RBPJ: variants seen among roughly 807,000 people sequenced by gnomAD.
RBPJ encodes the protein recombining binding protein suppressor of hairless.
Under a neutral mutation model 67.8 loss-of-function variants are expected in RBPJ, and 9 were observed. The observed-to-expected ratio is 0.13, with a 90% CI of 0.08 to 0.23. RBPJ has a LOEUF of 0.23. RBPJ is among the 10% of genes least tolerant of loss of function. The probability of loss-of-function intolerance (pLI) is 1.00; values close to 1 mark genes in which losing one functional copy is unlikely to be tolerated. For synonymous variants in RBPJ, 198 were observed against 203.3 expected (o/e 0.97, Z 0.22); for missense variants, 305 against 595.6 (o/e 0.51, Z 5.08).
At chr4:26,331,971 T>C (rs1024836185) in intron 1 of RBPJ, among the ~76,000 whole-genome samples, 1 of 152,210 alleles carries the variant, frequency 6.6e-6, no homozygotes, top group African/African-American at 2.4e-5. Flanking sequence ...ATGATGATGA[T>C]GTGTGTAGTG....
chr4:26,149,370 G>T, the RBPJ span, among the ~76,000 whole-genome samples: 1 of 152,154 alleles, frequency 6.6e-6, no homozygotes, highest in African/African-American at 2.4e-5. Context: ...TGGTAGAAGG[G>T]CTGGATGGAC....
chr4:26,355,845 T>C (rs902480655), intron 1 of RBPJ, among the ~76,000 whole-genome samples: 5 of 152,136 alleles, frequency 3.3e-5, no homozygotes, highest in Admixed American at 1.3e-4. Flanking sequence ...CCAAGGAGCA[T>C]TGAGGTACAC....
chr4:26,362,375 C>T, intron 1 of RBPJ: 1 of 867,272 alleles, frequency 1.2e-6, no homozygotes, highest in Non-Finnish European at 1.6e-6. Flanking sequence ...GTCATGGCAG[C>T]AGTTAACACA....
At chr4:26,124,415 CATATATAT>C in the RBPJ span, among the ~76,000 whole-genome samples, 1,699 of 62,246 alleles carry the variant, frequency 0.027, 51 homozygotes, top group East Asian at 0.05. Context: ...AGTATTCCAT[CATATATAT>C]ATATATATAT....
intron 1 of RBPJ, among the ~76,000 whole-genome samples, chr4:26,237,644 C>A (rs932804636): frequency 1.3e-5 from 2 of 152,142 alleles, no homozygotes; most frequent in East Asian, 1.9e-4. Flanking sequence ...GGGGTTGAAT[C>A]CAGCATTGCC....
intron 1 of RBPJ, among the ~76,000 whole-genome samples, chr4:26,313,671 T>TA (rs752022285): frequency 1.6e-3 from 226 of 137,632 alleles, no homozygotes; most frequent in African/African-American, 3.8e-3. Context: ...CTCCGTCTCT[T>TA]AAAAAAAAAA....
chr4:26,306,839 T>C (rs1424532926), intron 1 of RBPJ, among the ~76,000 whole-genome samples: 1 of 152,114 alleles, frequency 6.6e-6, no homozygotes, highest in Non-Finnish European at 1.5e-5. Flanking sequence ...TTTCAGCCAC[T>C]CACTGTTACT....
At chr4:26,346,954 T>C (rs1469549550) in intron 1 of RBPJ, among the ~76,000 whole-genome samples, 2 of 151,540 alleles carry the variant, frequency 1.3e-5, no homozygotes. Context: ...ATTGCGCCAC[T>C]GCACTCCAGT....
intron 1 of RBPJ, among the ~76,000 whole-genome samples, chr4:26,268,943 T>C (rs549184538): frequency 1.3e-5 from 2 of 152,376 alleles, no homozygotes; most frequent in East Asian, 3.9e-4. Flanking sequence ...GAATACTCTA[T>C]GATTTCATAA....
chr4:26,299,730 G>A (rs1247858922), intron 1 of RBPJ, among the ~76,000 whole-genome samples: 2 of 138,758 alleles, frequency 1.4e-5, no homozygotes, highest in African/African-American at 5.5e-5. Flanking sequence ...CTAGGCTGGA[G>A]TGAAATGGCG....
chr4:26,320,839 A>C (rs1237313502), upstream of RBPJ: 1 of 1,565,470 alleles, frequency 6.4e-7, no homozygotes, highest in Non-Finnish European at 8.7e-7. Flanking sequence ...GAAGGCAGCG[A>C]GCAGGATCCC....
chr4:26,151,178 G>C, the RBPJ span, among the ~76,000 whole-genome samples: 1 of 152,184 alleles, frequency 6.6e-6, no homozygotes, highest in African/African-American at 2.4e-5. Context: ...CTTGCCCGAA[G>C]ACTCAGTGCA....
At chr4:26,282,136 CTTT>C (rs869155604) in intron 1 of RBPJ, among the ~76,000 whole-genome samples, 3 of 51,852 alleles carry the variant, frequency 5.8e-5, no homozygotes, top group Admixed American at 2.9e-4. Flanking sequence ...CTCTCTCTCT[CTTT>C]TTTTTTTTTT....
chr4:26,342,858 A>G (rs1455518514), intron 1 of RBPJ, among the ~76,000 whole-genome samples: 1 of 152,232 alleles, frequency 6.6e-6, no homozygotes, highest in East Asian at 1.9e-4. Flanking sequence ...TGGTTCTAGC[A>G]TTATATAAAT....
upstream of RBPJ, among the ~76,000 whole-genome samples, chr4:26,317,125 C>G (rs948425053): frequency 6.6e-6 from 1 of 151,120 alleles, no homozygotes; most frequent in African/African-American, 2.4e-5. Flanking sequence ...TGGAAGGAGG[C>G]AGATAGTAAA....
chr4:26,385,273 G>A (rs1015786042), intron 1 of RBPJ, among the ~76,000 whole-genome samples: 2 of 151,564 alleles, frequency 1.3e-5, no homozygotes, highest in African/African-American at 2.4e-5. Context: ...TGCCTGCCTC[G>A]GCCTCCCAAA....
the RBPJ span, among the ~76,000 whole-genome samples, chr4:26,108,919 C>G: frequency 6.6e-6 from 1 of 152,090 alleles, no homozygotes; most frequent in African/African-American, 2.4e-5. Context: ...TCCTGGGGCT[C>G]TTCTGGGGAT....
chr4:26,148,224 G>A, the RBPJ span, among the ~76,000 whole-genome samples: 16 of 151,108 alleles, frequency 1.1e-4, no homozygotes, highest in Admixed American at 1.1e-3. Context: ...TACCAAGAGG[G>A]AGAGACTGTG....
rs543480667 is a variant in RBPJ, at chr4:26,169,802, C to A, written c.-167+6188C>A. Among the ~76,000 whole-genome samples the A allele has an allele frequency of 4.6e-5, 7 of 152,354 alleles. No homozygotes were observed. In the South Asian group the frequency reaches 1.4e-3, roughly 32 times the overall value. On this transcript the variant is annotated intron_variant, in intron 1 of 4. Coordinates refer to the RBPJ transcript ENST00000512351. ...GGTGGGCGCCCCTCCCCCAGCCTCGCTGCCGCCTTGCAGTTTGATCTCAGA... is the reference window on the plus strand; with the variant it reads ...GGTGGGCGCCCCTCCCCCAGCCTCGATGCCGCCTTGCAGTTTGATCTCAGA...
Sources: gnomAD v4.1 joint callset for allele counts (sites outside exome capture counted in the v4.1 genomes callset) on GRCh38, gnomAD v4.1.1 for gene constraint, MANE v1.5 for transcripts, NCBI Gene and HGNC (gene_info 2026-07-23, HGNC 2026-07-21) for gene names.